The following RIMKLB variants were observed in gnomAD, a reference collection of about 807,000 sequenced individuals.
RIMKLB encodes the protein beta-citrylglutamate synthase B.
RIMKLB carries 7 observed loss-of-function variants against 32.0 expected under a neutral mutation model. The ratio of observed to expected loss-of-function variants is 0.22; its 90% CI spans 0.12 to 0.41. The LOEUF is 0.41. RIMKLB is among the 10% of genes least tolerant of loss of function. The pLI is 1.00. For synonymous variants in RIMKLB, 172 were observed against 185.1 expected (o/e 0.93, Z 0.57); for missense variants, 289 against 498.7 (o/e 0.58, Z 4.00).
At chr12:8,742,712 ACTGGAG>A (rs1304372965) in intron 2 of RIMKLB, 1 of 220,370 alleles carries the variant, frequency 4.5e-6, no homozygotes, top group Non-Finnish European at 9.1e-6. Flanking sequence ...TGCTACCACC[ACTGGAG>A]CCACTCCTGT....
intron 2 of RIMKLB, chr12:8,742,770 A>C (rs916823944): frequency 1.3e-5 from 3 of 224,898 alleles, no homozygotes; most frequent in African/African-American, 7.0e-5. Flanking sequence ...AACCAAGTCC[A>C]GGCAGCTTTC....
intron 1 of RIMKLB, among the ~76,000 whole-genome samples, chr12:8,686,011 T>C (rs1942560100): frequency 6.6e-6 from 1 of 152,138 alleles, no homozygotes; most frequent in African/African-American, 2.4e-5. Context: ...TTTCACCATA[T>C]TGGCCTGGAT....
intron 5 of RIMKLB, among the ~76,000 whole-genome samples, chr12:8,755,074 C>T (rs929896757): frequency 3.3e-5 from 5 of 152,188 alleles, no homozygotes; most frequent in Non-Finnish European, 5.9e-5. Flanking sequence ...GCCTTAGCCT[C>T]CTGAGTAGCT....
At chr12:8,678,816 G>A (rs1942359919), upstream of RIMKLB, 1 of 152,252 alleles carries the variant, frequency 6.6e-6, no homozygotes, top group Middle Eastern at 3.4e-3. Flanking sequence ...CTGGTGCAGG[G>A]GATGCAAAGG....
chr12:8,757,470 C>CAAAAAAAAAAAA (rs55670138), intron 5 of RIMKLB, among the ~76,000 whole-genome samples: 7 of 71,410 alleles, frequency 9.8e-5, no homozygotes, highest in African/African-American at 3.0e-4. Flanking sequence ...GACCCTGTCT[C>CAAAAAAAAAAAA]AAAAAAAAAA....
intron 1 of RIMKLB, among the ~76,000 whole-genome samples, chr12:8,710,307 CTTTTTTTTT>C (rs762963381): frequency 1.1e-4 from 14 of 125,602 alleles, no homozygotes; most frequent in African/African-American, 3.4e-4. Context: ...TTGTTTCCTT[CTTTTTTTTT>C]TTTTTTTTTT....
At chr12:8,672,430 A>T in the RIMKLB span, among the ~76,000 whole-genome samples, 2 of 152,192 alleles carry the variant, frequency 1.3e-5, no homozygotes, top group Non-Finnish European at 2.9e-5. Flanking sequence ...AAAGAGGTTT[A>T]ATTGAACTTA....
At chr12:8,737,249 A>AGT (rs1565596414) in intron 2 of RIMKLB, among the ~76,000 whole-genome samples, 190 of 145,116 alleles carry the variant, frequency 1.3e-3, no homozygotes, top group African/African-American at 4.5e-3. Context: ...TTTAATCATG[A>AGT]CTTTTTTTTT....
upstream of RIMKLB, among the ~76,000 whole-genome samples, chr12:8,676,844 G>C (rs1942346050): frequency 6.6e-6 from 1 of 152,082 alleles, no homozygotes; most frequent in South Asian, 2.1e-4. Context: ...TCAGGAAGGG[G>C]AAAAGCTAAA....
intron 5 of RIMKLB, among the ~76,000 whole-genome samples, chr12:8,760,160 G>A (rs887867057): frequency 4.6e-5 from 7 of 150,626 alleles, no homozygotes; most frequent in African/African-American, 1.7e-4. Flanking sequence ...TGTTCTCATT[G>A]TTCAATTCCC....
At chr12:8,761,272 CAAA>C (rs35464055) in intron 5 of RIMKLB, among the ~76,000 whole-genome samples, 18 of 55,896 alleles carry the variant, frequency 3.2e-4, no homozygotes, top group African/African-American at 5.1e-4. Context: ...GGGGAGATAG[CAAA>C]AAAAAAAAAA....
intron 2 of RIMKLB, among the ~76,000 whole-genome samples, chr12:8,736,730 A>G (rs776920585): frequency 6.6e-6 from 1 of 151,360 alleles, no homozygotes; most frequent in Non-Finnish European, 1.5e-5. Context: ...AGCAATCCCA[A>G]CTGCCTCAGC....
intron 7 of RIMKLB, among the ~76,000 whole-genome samples, chr12:8,782,641 C>T (rs1300182675): frequency 3.3e-5 from 5 of 152,014 alleles, no homozygotes; most frequent in Non-Finnish European, 5.9e-5. Context: ...TAAGGTTGCT[C>T]TTGTAAAACA....
intron 2 of RIMKLB, among the ~76,000 whole-genome samples, chr12:8,726,279 G>A (rs1424192932): frequency 1.7e-4 from 26 of 152,220 alleles, no homozygotes; most frequent in Non-Finnish European, 1.0e-4. Flanking sequence ...CTGTTAAAAT[G>A]TGCAGTTACC....
chr12:8,722,817 C>T (rs1297274455), intron 2 of RIMKLB, among the ~76,000 whole-genome samples: 30 of 152,238 alleles, frequency 2.0e-4, no homozygotes, highest in Admixed American at 1.9e-3. Flanking sequence ...CTGTGCTATA[C>T]AGATGGCTTC....
At position 8,774,372 on chromosome 12, in the gene RIMKLB, A is replaced by C; in HGVS notation, c.*588A>C. The C allele has an allele frequency of 3.0e-6, 3 of 985,938 alleles. No homozygotes were observed. The highest frequency in any genetic ancestry group is 3.6e-6 in the Non-Finnish European group (3 of 830,018). The allele number at this position is 985,938 out of a possible 1,614,324, so 61.1% of individuals were successfully genotyped here. ...CTTAATTTGGTGGGAGGTCAAATTG[A>C]ATATAACCCAATAAAGGCTTCTTAA... On this transcript the variant is annotated 3_prime_UTR_variant, in exon 6 of 6. Coordinates refer to ENST00000535829, the MANE Select transcript of RIMKLB (RefSeq NM_001297776.2).
At chr12:8,686,019 G>A (rs1164153998) in intron 1 of RIMKLB, among the ~76,000 whole-genome samples, 1 of 152,108 alleles carries the variant, frequency 6.6e-6, no homozygotes, top group African/African-American at 2.4e-5. Context: ...TATTGGCCTG[G>A]ATGGTCTCGA....
intron 2 of RIMKLB, among the ~76,000 whole-genome samples, chr12:8,727,528 C>G (rs1021746221): frequency 6.6e-6 from 1 of 152,208 alleles, no homozygotes; most frequent in African/African-American, 2.4e-5. Context: ...TGAGCCACTG[C>G]ACTCAGCCAA....
At chr12:8,740,128 ACTC>A (rs1947365773) in intron 2 of RIMKLB, among the ~76,000 whole-genome samples, 1 of 151,050 alleles carries the variant, frequency 6.6e-6, no homozygotes, top group Non-Finnish European at 1.5e-5. Flanking sequence ...CTGGTCTCAG[ACTC>A]CTCACCTCAA....
Sources: gnomAD v4.1 joint callset for allele counts (sites outside exome capture counted in the v4.1 genomes callset) on GRCh38, gnomAD v4.1.1 for gene constraint, MANE v1.5 for transcripts, NCBI Gene and HGNC (gene_info 2026-07-23, HGNC 2026-07-21) for gene names.